The following STXBP6 variants were observed in gnomAD, a reference collection of about 807,000 sequenced individuals.
The protein encoded by STXBP6 is syntaxin-binding protein 6.
A neutral mutation model predicts 26.9 loss-of-function variants in STXBP6; 21 were observed. The observed-to-expected ratio is 0.78, with a 90% CI of 0.55 to 1.12. The LOEUF (loss-of-function observed/expected upper bound fraction) is 1.12, where lower values mean the gene tolerates loss of function less well. Ranked by LOEUF, STXBP6 falls within the 50% of genes most tolerant of loss-of-function variation. The pLI is 0.00. For missense variants in STXBP6, 232 were observed against 257.9 expected, an observed-to-expected ratio of 0.90 and a Z score of 0.69; for synonymous variants, 97 against 92.6, an observed-to-expected ratio of 1.05 and a Z score of -0.27.
chr14:24,935,946 C>G (rs1193465413), intron 2 of STXBP6, among the ~76,000 whole-genome samples: 1 of 152,148 alleles, frequency 6.6e-6, no homozygotes, highest in Non-Finnish European at 1.5e-5. Flanking sequence ...AGAGATCTAG[C>G]CCAAGAATCC....
intron 1 of STXBP6, among the ~76,000 whole-genome samples, chr14:25,033,909 T>C (rs1300928320): frequency 1.3e-5 from 2 of 152,066 alleles, no homozygotes; most frequent in East Asian, 3.9e-4. Context: ...CAAAACAAAA[T>C]GAAAAAAGTG....
rs35074945 is a variant in STXBP6 at position 24,961,451 on chromosome 14, C to CAA, written c.154+13212_154+13213dup. ...TAGGAACAGATTTCAGAACTAAAAACAAAAAAAAAAAAACATAAAAAGAAT... is the reference window on the plus strand; with the variant it reads ...TAGGAACAGATTTCAGAACTAAAAACAAAAAAAAAAAAAAACATAAAAAGAAT... On this transcript the variant is annotated intron_variant, in intron 2 of 5. Transcript: ENST00000323944. Among the ~76,000 whole-genome samples the CAA allele has an allele frequency of 2.3e-4, 31 of 137,258 alleles. No homozygotes were observed. The East Asian group carries it at 2.7e-3, about 12-fold the overall frequency. 90.0% of individuals were successfully genotyped at this position (137,258 alleles called of 152,430 possible).
chr14:24,899,802 A>AAAAAAAAG (rs2071142670), intron 2 of STXBP6, among the ~76,000 whole-genome samples: 1 of 83,468 alleles, frequency 1.2e-5, no homozygotes, highest in Non-Finnish European at 2.1e-5. Context: ...AAAAAAAAGC[A>AAAAAAAAG]AAAAAAAAAA....
At chr14:24,827,651 GT>G (rs1206211843) in intron 4 of STXBP6, among the ~76,000 whole-genome samples, 1 of 152,126 alleles carries the variant, frequency 6.6e-6, no homozygotes, top group East Asian at 1.9e-4. Context: ...GGTACTTTAA[GT>G]TCTATTTCAG....
chr14:24,992,670 G>A (rs1424873404), intron 1 of STXBP6, among the ~76,000 whole-genome samples: 1 of 152,180 alleles, frequency 6.6e-6, no homozygotes, highest in Non-Finnish European at 1.5e-5. Flanking sequence ...ACAAGCTGGA[G>A]TTTGCTGACC....
chr14:24,963,719 A>AATTG (rs1180404393), intron 2 of STXBP6, among the ~76,000 whole-genome samples: 3 of 152,190 alleles, frequency 2.0e-5, no homozygotes, highest in African/African-American at 7.2e-5. Context: ...CTCTTTCTTC[A>AATTG]AGAGAAACAC....
intron 2 of STXBP6, among the ~76,000 whole-genome samples, chr14:24,865,842 G>T (rs546115788): frequency 6.6e-6 from 1 of 152,182 alleles, no homozygotes; most frequent in South Asian, 2.1e-4. Flanking sequence ...AGCAAAATTT[G>T]GGATGGGAGA....
chr14:24,996,975 C>T (rs1595280811), intron 1 of STXBP6, among the ~76,000 whole-genome samples: 1 of 151,844 alleles, frequency 6.6e-6, no homozygotes, highest in Admixed American at 6.6e-5. Context: ...GAAATACACC[C>T]TTCCTGGGAA....
At chr14:25,012,831 A>G (rs2075060693) in intron 1 of STXBP6, among the ~76,000 whole-genome samples, 1 of 152,208 alleles carries the variant, frequency 6.6e-6, no homozygotes, top group African/African-American at 2.4e-5. Context: ...TACAAAAAGC[A>G]GGGAAACTCA....
In STXBP6 at chr14:24,974,725, T is replaced by C. The variant is rs2073997128; in HGVS notation, c.94A>G (p.Lys32Glu). ...AVQVKRRTKK[K>E]IPFLATGGQG... ...CCTCCAGTTGCCAAGAAAGGAATCT[T>C]TTTCTTTGTCCTCCTCTTGACTTGG... The change falls in exon 2 of 6, where the codon AAG becomes GAG. Residue 32 changes from lysine (K) to glutamate (E), a missense_variant. Lys to Glu is a moderately conservative substitution (Grantham distance 56, BLOSUM62 1). Transcript: ENST00000323944. 6.3e-7 allele frequency: 1 copy of C among 1,583,978 alleles called. No homozygotes were observed. The highest frequency in any genetic ancestry group is 8.6e-7 in the Non-Finnish European group (1 of 1,162,020).
chr14:24,966,494 T>G (rs878932843), intron 2 of STXBP6, among the ~76,000 whole-genome samples: 1 of 152,114 alleles, frequency 6.6e-6, no homozygotes, highest in Admixed American at 6.5e-5. Flanking sequence ...GCAGTGCAAC[T>G]ACCAGCATTA....
At chr14:24,989,832 G>T (rs1340578930) in intron 1 of STXBP6, among the ~76,000 whole-genome samples, 1 of 152,200 alleles carries the variant, frequency 6.6e-6, no homozygotes, top group African/African-American at 2.4e-5. Flanking sequence ...GACAGACTGG[G>T]AGGTGTAGCC....
At chr14:25,026,461 G>C (rs2075351501) in intron 1 of STXBP6, among the ~76,000 whole-genome samples, 1 of 152,130 alleles carries the variant, frequency 6.6e-6, no homozygotes, top group Non-Finnish European at 1.5e-5. Context: ...TAGGATCTAG[G>C]TCAGCACCCC....
chr14:24,866,239 A>G (rs2069715413), intron 2 of STXBP6, among the ~76,000 whole-genome samples: 1 of 152,134 alleles, frequency 6.6e-6, no homozygotes, highest in African/African-American at 2.4e-5. Context: ...CTTGTACTGC[A>G]ATACTGGCTC....
chr14:24,949,109 C>T (rs192965013), intron 2 of STXBP6, among the ~76,000 whole-genome samples: 14 of 152,088 alleles, frequency 9.2e-5, no homozygotes, highest in South Asian at 2.1e-4. Context: ...AAATTCAACA[C>T]GAAAAAGTAG....
intron 1 of STXBP6, among the ~76,000 whole-genome samples, chr14:25,004,105 C>T (rs932929260): frequency 5.3e-5 from 8 of 152,122 alleles, no homozygotes; most frequent in African/African-American, 1.2e-4. Context: ...TGTGAGTGAT[C>T]GTGCAAATTG....
At chr14:24,968,087 T>G (rs572026218) in intron 2 of STXBP6, among the ~76,000 whole-genome samples, 3 of 151,646 alleles carry the variant, frequency 2.0e-5, no homozygotes. Context: ...TAATATAATA[T>G]GCATAAGATG....
chr14:25,033,557 C>T (rs1251627576), intron 1 of STXBP6, among the ~76,000 whole-genome samples: 1 of 152,160 alleles, frequency 6.6e-6, no homozygotes, highest in Non-Finnish European at 1.5e-5. Flanking sequence ...GCCCCTTGCT[C>T]ATACCAAGGT....
At chr14:24,825,913 A>G (rs1273800234) in intron 4 of STXBP6, among the ~76,000 whole-genome samples, 2 of 152,220 alleles carry the variant, frequency 1.3e-5, no homozygotes, top group South Asian at 2.1e-4. Context: ...AATGAATTCA[A>G]TAATACTTCT....
Sources: gnomAD v4.1 joint callset for allele counts (sites outside exome capture counted in the v4.1 genomes callset) on GRCh38, gnomAD v4.1.1 for gene constraint, MANE v1.5 for transcripts, NCBI Gene and HGNC (gene_info 2026-07-23, HGNC 2026-07-21) for gene names.